The following SH3RF1 variants were observed in gnomAD, a reference collection of about 807,000 sequenced individuals.
SH3RF1 encodes SH3 domain containing ring finger 1.
A neutral mutation model predicts 74.0 loss-of-function variants in SH3RF1; 32 were observed. That is an observed-to-expected ratio of 0.43 (90% CI 0.33 to 0.58). The LOEUF is 0.58. SH3RF1 is among the 20% of genes least tolerant of loss of function. SH3RF1 has a pLI of 0.05. For synonymous variants in SH3RF1, 396 were observed against 439.6 expected, an observed-to-expected ratio of 0.90 and a Z score of 1.24; for missense variants, 954 against 1,130.9, an observed-to-expected ratio of 0.84 and a Z score of 2.24.
In SH3RF1 at chr4:169,269,035, C is replaced by T; in HGVS notation, c.178G>A (p.Val60Ile). ...PECRTLVGSG[V>I]EELPSNILLV... Reference sequence around the variant, plus strand: ...AAGATGTTACTGGGAAGCTCCTCGACACCCGAGCCAACAAGAGTCCTGCAC... The same window carrying T: ...AAGATGTTACTGGGAAGCTCCTCGATACCCGAGCCAACAAGAGTCCTGCAC... Residue 60 changes from valine to isoleucine, a missense_variant, in exon 2 of 12, where the codon GTC becomes ATC. Transcript: ENST00000284637. The T allele has an allele frequency of 6.2e-7, 1 of 1,614,192 alleles. No homozygotes were observed. The highest frequency in any genetic ancestry group is 2.2e-5 in the East Asian group (1 of 44,886).
At chr4:169,245,042 G>A (rs1561063267) in intron 2 of SH3RF1, among the ~76,000 whole-genome samples, 1 of 152,060 alleles carries the variant, frequency 6.6e-6, no homozygotes, top group Non-Finnish European at 1.5e-5. Context: ...AATGATAGTA[G>A]GACTGGCATC....
intron 2 of SH3RF1, among the ~76,000 whole-genome samples, chr4:169,241,560 C>T (rs1413505718): frequency 1.1e-5 from 1 of 90,258 alleles, no homozygotes; most frequent in Non-Finnish European, 2.4e-5. Context: ...TAGCTAACAT[C>T]AGCACTCCTG....
intron 2 of SH3RF1, among the ~76,000 whole-genome samples, chr4:169,206,637 G>T (rs1345952787): frequency 6.6e-6 from 1 of 152,190 alleles, no homozygotes; most frequent in Non-Finnish European, 1.5e-5. Context: ...CTGCTACAAA[G>T]ATAAATTATA....
At chr4:169,212,875 C>A (rs1730403226) in intron 2 of SH3RF1, among the ~76,000 whole-genome samples, 1 of 152,216 alleles carries the variant, frequency 6.6e-6, no homozygotes, top group Non-Finnish European at 1.5e-5. Context: ...TGCCCCTTAA[C>A]TTCTGGCAAC....
At chr4:169,270,634 C>T (rs761749208) in intron 1 of SH3RF1, 1 of 152,286 alleles carries the variant, frequency 6.6e-6, no homozygotes, top group Admixed American at 6.5e-5. Flanking sequence ...CCCGGGGAGA[C>T]CGCGGCACGG....
chr4:169,140,765 TGAA>T (rs1374717579), intron 4 of SH3RF1, among the ~76,000 whole-genome samples: 1 of 152,138 alleles, frequency 6.6e-6, no homozygotes, highest in African/African-American at 2.4e-5. Flanking sequence ...AGAACTAAGT[TGAA>T]TAGTTACTAT....
chr4:169,218,792 A>T (rs1247996950), intron 2 of SH3RF1, among the ~76,000 whole-genome samples: 1 of 152,198 alleles, frequency 6.6e-6, no homozygotes, highest in Non-Finnish European at 1.5e-5. Flanking sequence ...CAATAAATAC[A>T]TGAATTAACT....
intron 8 of SH3RF1, among the ~76,000 whole-genome samples, chr4:169,119,432 A>C (rs17709556): frequency 0.11 from 16,400 of 151,708 alleles, 1,149 homozygotes; most frequent in East Asian, 0.21. Flanking sequence ...CCGGCTATAC[A>C]AGCAGAGAGA....
chr4:169,256,352 T>G (rs924134300), intron 2 of SH3RF1, among the ~76,000 whole-genome samples: 1 of 151,674 alleles, frequency 6.6e-6, no homozygotes, highest in East Asian at 1.9e-4. Context: ...GGAGTATAGA[T>G]AATGTTGCTC....
intron 2 of SH3RF1, among the ~76,000 whole-genome samples, chr4:169,212,564 A>G (rs1385900637): frequency 6.6e-6 from 1 of 151,966 alleles, no homozygotes; most frequent in African/African-American, 2.4e-5. Context: ...CAGCAGTTTT[A>G]GGTTCACAGC....
At chr4:169,227,630 A>G (rs1730672758) in intron 2 of SH3RF1, among the ~76,000 whole-genome samples, 1 of 152,160 alleles carries the variant, frequency 6.6e-6, no homozygotes, top group Non-Finnish European at 1.5e-5. Context: ...ACATCTATGC[A>G]TTATTTATTT....
intron 2 of SH3RF1, among the ~76,000 whole-genome samples, chr4:169,232,457 C>T (rs1730759835): frequency 6.6e-6 from 1 of 152,126 alleles, no homozygotes; most frequent in South Asian, 2.1e-4. Flanking sequence ...TCAAAAAGAT[C>T]ACAAGACTTG....
intron 11 of SH3RF1, 132 bp from the exon 12 acceptor site, chr4:169,096,819 C>G (rs1428583821): frequency 2.3e-6 from 2 of 860,810 alleles, no homozygotes; most frequent in African/African-American, 3.4e-5. Context: ...TAAAACAACT[C>G]AAAATACTGC....
intron 8 of SH3RF1, among the ~76,000 whole-genome samples, chr4:169,118,542 G>C (rs1285590044): frequency 6.6e-6 from 1 of 151,982 alleles, no homozygotes; most frequent in Non-Finnish European, 1.5e-5. Flanking sequence ...TCACCCCTCT[G>C]CCTCTCAGGT....
chr4:169,148,694 G>A (rs903262565), intron 4 of SH3RF1, among the ~76,000 whole-genome samples: 14 of 152,156 alleles, frequency 9.2e-5, no homozygotes, highest in African/African-American at 3.1e-4. Flanking sequence ...ACGGGGTACT[G>A]TAGAAGTTCA....
chr4:169,217,057 G>C (rs1346497594), intron 2 of SH3RF1, among the ~76,000 whole-genome samples: 1 of 151,342 alleles, frequency 6.6e-6, no homozygotes. Context: ...CAGCTACTTG[G>C]GGAGCTGAGG....
At chr4:169,256,306 G>A (rs1731193695) in intron 2 of SH3RF1, among the ~76,000 whole-genome samples, 1 of 151,762 alleles carries the variant, frequency 6.6e-6, no homozygotes, top group African/African-American at 2.4e-5. Context: ...AGGAAGGGAA[G>A]GAGGAAGGAA....
intron 2 of SH3RF1, among the ~76,000 whole-genome samples, chr4:169,237,171 T>G (rs1021768415): frequency 2.6e-5 from 4 of 152,086 alleles, no homozygotes; most frequent in African/African-American, 9.7e-5. Flanking sequence ...GTCTAGTAAG[T>G]GGGAATACAA....
At chr4:169,265,927 T>C (rs1211638257) in intron 2 of SH3RF1, among the ~76,000 whole-genome samples, 1 of 152,226 alleles carries the variant, frequency 6.6e-6, no homozygotes, top group Non-Finnish European at 1.5e-5. Context: ...AACCATGCTT[T>C]CCTTATCTAA....
Sources: allele counts gnomAD v4.1 joint callset (sites outside exome capture counted in the v4.1 genomes callset), GRCh38; gene constraint gnomAD v4.1.1; transcripts MANE v1.5; gene names NCBI Gene and HGNC (gene_info 2026-07-23, HGNC 2026-07-21).